Variants in PNPLA5 observed in about 807,000 individuals in gnomAD.
PNPLA5 encodes patatin-like phospholipase domain-containing protein 5.
Under a neutral mutation model 49.1 loss-of-function variants are expected in PNPLA5, and 44 were observed. The ratio of observed to expected loss-of-function variants is 0.90; its 90% CI spans 0.70 to 1.15. PNPLA5 has a LOEUF of 1.15. Ranked by LOEUF, PNPLA5 falls within the 50% of genes most tolerant of loss-of-function variation. The probability of loss-of-function intolerance (pLI) is 0.00; values close to 1 mark genes in which losing one functional copy is unlikely to be tolerated. For synonymous variants in PNPLA5, 243 were observed against 244.4 expected (o/e 0.99, Z 0.06); for missense variants, 603 against 564.0 (o/e 1.07, Z -0.70).
chr22:43,886,278 G>A (rs1569507218), intron 6 of PNPLA5, 25 bp downstream of exon 6: 3 of 1,597,912 alleles, frequency 1.9e-6, no homozygotes, highest in Non-Finnish European at 2.6e-6. Flanking sequence ...CCTGGTAGGT[G>A]AGCAAATGCA....
intron 8 of PNPLA5, 170 bp from the exon 9 acceptor site, chr22:43,881,055 G>C (rs2049604990): frequency 1.1e-6 from 1 of 939,384 alleles, no homozygotes; most frequent in Non-Finnish European, 1.3e-6. Flanking sequence ...TGTCAGGGAG[G>C]TCCTGGGATG....
chr22:43,891,378 A>G (rs1234344690), intron 1 of PNPLA5, 84 bp from the exon 2 acceptor site: 20 of 1,457,648 alleles, frequency 1.4e-5, no homozygotes, highest in Non-Finnish European at 1.8e-5. Flanking sequence ...TCCTAGGTGC[A>G]GTGGGAGCGG....
chr22:43,880,947 C>G (rs1452113030), intron 8 of PNPLA5, 62 bp from the exon 9 acceptor site: 17 of 1,291,310 alleles, frequency 1.3e-5, no homozygotes, highest in Non-Finnish European at 1.7e-5. Flanking sequence ...GGTGAAACCA[C>G]GTGGGTGCAG....
chr22:43,885,070 T>A (rs2049648714), intron 6 of PNPLA5, among the ~76,000 whole-genome samples: 1 of 152,254 alleles, frequency 6.6e-6, no homozygotes, highest in African/African-American at 2.4e-5. Flanking sequence ...CATTCCTCCC[T>A]GGGCAGGCAG....
intron 8 of PNPLA5, 166 bp from the exon 9 acceptor site, chr22:43,881,051 G>T: frequency 1.0e-6 from 1 of 956,128 alleles, no homozygotes; most frequent in Non-Finnish European, 1.2e-6. Context: ...GAAGTGTCAG[G>T]GAGGTCCTGG....
At position 43,886,355 on chromosome 22, in the gene PNPLA5, C is replaced by T. The variant is rs374372726; in HGVS notation, c.897G>A (p.Val299=). 1.2e-6 allele frequency: 2 copies of T among 1,614,162 alleles called. No homozygotes were observed. The highest frequency in any genetic ancestry group is 1.1e-5 in the South Asian group (1 of 91,078). Residue 299 remains valine, a synonymous_variant, in exon 6 of 9, where the codon GTG becomes GTA. Transcript: ENST00000216177. The stretch of plus-strand genomic sequence containing the variant: ...CAAAGTTGGGTACATCCTTGACTTG[C>T]ACATGGGGCACTTTCCAGTTGAGAG... The part of the protein sequence containing the change: ...GLSLNWKVPH[V]QVKDVPNFEQ...
Position 43,891,922 on chromosome 22 carries a change from A to C in PNPLA5, c.-42T>G, listed in dbSNP as rs2049730795. ...GGGGTGATCGGGACGAGGAAGGGTC[A>C]CTCCGTGACCCGGGATAGGGCCGGG... On this transcript the variant is annotated 5_prime_UTR_variant, in exon 1 of 9. Transcript: ENST00000216177. The C allele has an allele frequency of 6.7e-7, 1 of 1,488,872 alleles. No individual in the cohort carries two copies. The highest frequency in any genetic ancestry group is 8.9e-7 in the Non-Finnish European group (1 of 1,124,810). The allele number at this position is 1,488,872 out of a possible 1,614,324, so 92.2% of individuals were successfully genotyped here.
chr22:43,889,471 G>A lies in PNPLA5; in HGVS notation c.560C>T (p.Ser187Leu), dbSNP rs149261979. Residue 187 changes from serine (S) to leucine (L), a missense_variant, in exon 4 of 9, where the codon TCG becomes TTG. Coordinates refer to ENST00000216177, the MANE Select transcript of PNPLA5 (RefSeq NM_138814.4). ...FADCPSTITV[S>L]PFHGTVDICP... is the part of the protein sequence containing the mutation. ...GATGTCCACTGTCCCATGGAAGGGC[G>A]ACACCGTGATGGTGGAGGGGCAGTC... The A allele has an allele frequency of 2.7e-5, 43 of 1,613,876 alleles. No homozygotes were observed. The Admixed American group carries it at 3.8e-4, about 14-fold the overall frequency.
intron 2 of PNPLA5, 32 bp downstream of exon 2, chr22:43,891,030 C>A: frequency 6.3e-7 from 1 of 1,587,444 alleles, no homozygotes; most frequent in Non-Finnish European, 8.6e-7. Context: ...GCCCGCCCAC[C>A]AGCCAAGCCC....
intron 6 of PNPLA5, 61 bp from the exon 7 acceptor site, chr22:43,884,406 C>A (rs1433249431): frequency 3.4e-6 from 5 of 1,464,406 alleles, no homozygotes; most frequent in Middle Eastern, 1.8e-4. Flanking sequence ...GCAACCTGAG[C>A]CCCCCCATTT....
chr22:43,883,813 AAAAAAAAAG>A (rs1487660318), intron 7 of PNPLA5, among the ~76,000 whole-genome samples: 3 of 139,484 alleles, frequency 2.2e-5, no homozygotes, highest in Non-Finnish European at 4.7e-5. Context: ...TCTGTCAGAA[AAAAAAAAAG>A]AAAAGAAAAG....
At position 43,889,488 on chromosome 22, in the gene PNPLA5, G is replaced by A; in HGVS notation, c.543C>T (p.Pro181=). 3.1e-6 allele frequency: 5 copies of A among 1,613,970 alleles called. No individual in the cohort carries two copies. The highest frequency in any genetic ancestry group is 4.2e-6 in the Non-Finnish European group (5 of 1,179,916). ...LSNNLPFADC[P]STITVSPFHG... is the part of the protein sequence containing the mutation. The stretch of plus-strand genomic sequence containing the variant: ...GGAAGGGCGACACCGTGATGGTGGA[G>A]GGGCAGTCTGCAAAGGGCAAGTTGT... Residue 181 remains proline, a synonymous_variant, in exon 4 of 9, where the codon CCC becomes CCT. Transcript: ENST00000216177.
intron 7 of PNPLA5, among the ~76,000 whole-genome samples, chr22:43,882,639 A>G (rs940776586): frequency 4.6e-5 from 7 of 152,274 alleles, no homozygotes; most frequent in Admixed American, 2.6e-4. Context: ...TGGGGCTCAC[A>G]CAATGAGTTT....
intron 6 of PNPLA5, 33 bp from the exon 7 acceptor site, chr22:43,884,378 C>T: frequency 6.6e-6 from 10 of 1,507,040 alleles, no homozygotes; most frequent in Non-Finnish European, 8.9e-6. Context: ...GCCCTGCCCA[C>T]CTGAAGTCTG....
chr22:43,888,120 A>G lies in PNPLA5; in HGVS notation c.703-469T>C, dbSNP rs994604516. On this transcript the variant is annotated intron_variant, in intron 4 of 8. Transcript: ENST00000216177. ...AGGAGCCCCACTTGCCTGTCTGATT[A>G]AAGTCCCACTGGTGGCAAAGGGTGC... is the stretch of plus-strand genomic sequence containing the variant. Among the ~76,000 whole-genome samples the G allele has an allele frequency of 2.6e-5, 4 of 152,188 alleles. No homozygotes were observed. The East Asian group carries it at 5.8e-4, about 22-fold the overall frequency.
chr22:43,884,476 A>T, intron 6 of PNPLA5, 131 bp from the exon 7 acceptor site: 1 of 1,283,456 alleles, frequency 7.8e-7, no homozygotes, highest in Non-Finnish European at 1.0e-6. Flanking sequence ...ACACTGAGCA[A>T]GCCCCCACCA....
At chr22:43,881,765 G>A in intron 7 of PNPLA5, 91 bp from the exon 8 acceptor site, 1 of 1,517,676 alleles carries the variant, frequency 6.6e-7, no homozygotes, top group South Asian at 1.3e-5. Context: ...AGCACAGCCG[G>A]GAGCCCTGCT....
intron 4 of PNPLA5, among the ~76,000 whole-genome samples, chr22:43,888,987 C>T (rs780754920): frequency 2.6e-5 from 4 of 152,194 alleles, no homozygotes; most frequent in Non-Finnish European, 5.9e-5. Flanking sequence ...ATAGCATCCT[C>T]CCCTGAGAAA....
rs1486941467 is a variant in PNPLA5, at chr22:43,891,700, C to A, written c.181G>T (p.Gly61Cys). Residue 61 changes from glycine (G) to cysteine (C), a missense_variant, in exon 1 of 9, where the codon GGC becomes TGC. Coordinates refer to ENST00000216177, the MANE Select transcript of PNPLA5 (RefSeq NM_138814.4). ...GALNAVSIVCGKSVDFCCSHL... is the reference protein window; with the variant it reads ...GALNAVSIVCCKSVDFCCSHL... ...GTCCGGGACTCACCGACCGACTTGC[C>A]GCAGACGATGCTGACTGCGTTGAGC... 2.6e-6 allele frequency: 4 copies of A among 1,547,032 alleles called. No individual in the cohort carries two copies. Among genetic ancestry groups the A allele is most frequent in the Non-Finnish European group, 3.5e-6 (4 of 1,145,912 alleles).
Sources: gnomAD v4.1 joint callset for allele counts (sites outside exome capture counted in the v4.1 genomes callset) on GRCh38, gnomAD v4.1.1 for gene constraint, MANE v1.5 for transcripts, NCBI Gene and HGNC (gene_info 2026-07-23, HGNC 2026-07-21) for gene names.